Variants in EPAS1 observed in about 807,000 individuals in gnomAD.
EPAS1 encodes the protein endothelial PAS domain protein 1.
In EPAS1, 23 loss-of-function variants were observed where a neutral mutation model predicts 87.9. That is an observed-to-expected ratio of 0.26 (90% CI 0.19 to 0.37). EPAS1 has a LOEUF of 0.37. EPAS1 is among the 10% of genes least tolerant of loss of function. EPAS1 has a pLI of 1.00. For synonymous variants in EPAS1, 508 were observed against 444.3 expected, an observed-to-expected ratio of 1.14 and a Z score of -1.80; for missense variants, 1,138 against 1,120.7, an observed-to-expected ratio of 1.02 and a Z score of -0.22.
chr2:46,304,143 C>T (rs1572611590), intron 1 of EPAS1, among the ~76,000 whole-genome samples: 1 of 152,216 alleles, frequency 6.6e-6, no homozygotes, highest in African/African-American at 2.4e-5. Context: ...TGTATGTGGT[C>T]TTAATAGAAA....
At position 46,349,836 on chromosome 2, in the gene EPAS1, CAT is replaced by C. The variant is rs1335177171; in HGVS notation, c.217+2774_217+2775del. Among the ~76,000 whole-genome samples, 6 of 152,362 alleles carry C rather than the reference CAT, an allele frequency of 3.9e-5. No individual in the cohort carries two copies. The East Asian group carries it at 1.2e-3, about 29-fold the overall frequency. On this transcript the variant is annotated intron_variant, in intron 2 of 15. Coordinates refer to ENST00000263734, the MANE Select transcript of EPAS1 (RefSeq NM_001430.5). ...TAAATCGTATTTTGCTTTTCCAACA[CAT>C]GTAGCGTTATGAAGAGGAGTACGGG...
At chr2:46,305,666 G>T (rs1683098088) in intron 1 of EPAS1, among the ~76,000 whole-genome samples, 1 of 152,134 alleles carries the variant, frequency 6.6e-6, no homozygotes, top group Non-Finnish European at 1.5e-5. Flanking sequence ...TAAAGCCATG[G>T]AAGTGGATTG....
intron 1 of EPAS1, among the ~76,000 whole-genome samples, chr2:46,305,136 C>G (rs973786010): frequency 1.3e-5 from 2 of 152,152 alleles, no homozygotes; most frequent in African/African-American, 4.8e-5. Flanking sequence ...CTGTAATTTT[C>G]AAGTAGATGT....
chr2:46,345,422 A>G (rs556059413), intron 1 of EPAS1, among the ~76,000 whole-genome samples: 1 of 152,192 alleles, frequency 6.6e-6, no homozygotes, highest in Non-Finnish European at 1.5e-5. Context: ...AACTGCTAAC[A>G]TTTTTGAGTA....
intron 12 of EPAS1, chr2:46,381,051 C>G: frequency 2.4e-6 from 1 of 410,834 alleles, no homozygotes; most frequent in East Asian, 5.1e-5. Flanking sequence ...ATGATTTTCC[C>G]TGGTTGAAAA....
chr2:46,297,671 C>A lies in EPAS1; in HGVS notation c.-241C>A. On this transcript the variant is annotated 5_prime_UTR_variant, in exon 1 of 16. Transcript: ENST00000263734. Reference sequence around the variant, plus strand: ...CGGGTCTGACAGCCTCCACCCACTCCTTCCCCGGACCCCGCCTCCGCGCGC... The same window carrying A: ...CGGGTCTGACAGCCTCCACCCACTCATTCCCCGGACCCCGCCTCCGCGCGC... The A allele has an allele frequency of 1.8e-6, 1 of 556,776 alleles. No homozygotes were observed. Among genetic ancestry groups the A allele is most frequent in the Non-Finnish European group, 3.2e-6 (1 of 314,916 alleles). 34.5% of individuals were successfully genotyped at this position (556,776 alleles called of 1,614,324 possible).
chr2:46,351,586 G>C (rs1324874684), intron 2 of EPAS1, among the ~76,000 whole-genome samples: 1 of 152,186 alleles, frequency 6.6e-6, no homozygotes, highest in Non-Finnish European at 1.5e-5. Flanking sequence ...GAGGGGCCAG[G>C]CTGTGGGTCA....
rs1007641943 is a variant in EPAS1 at position 46,371,832 on chromosome 2, G to A, written c.886+1899G>A. Among the ~76,000 whole-genome samples the A allele has an allele frequency of 3.9e-5, 6 of 152,202 alleles. No homozygotes were observed. Among genetic ancestry groups the A allele is most frequent in the Non-Finnish European group, 8.8e-5 (6 of 68,044 alleles). ...GTCTAGCCTTCCTTCCAAGCTAAGG[G>A]TGAAGCCAAGGCAAGAGACAAATGT... On this transcript the variant is annotated intron_variant, in intron 7 of 15. Coordinates refer to ENST00000263734, the MANE Select transcript of EPAS1 (RefSeq NM_001430.5). This position sits in a 1 kb window ranked among gnomAD's most constrained non-coding sequence, Gnocchi z 4.3.
intron 2 of EPAS1, among the ~76,000 whole-genome samples, chr2:46,350,876 A>G (rs1391201379): frequency 6.6e-6 from 1 of 152,232 alleles, no homozygotes; most frequent in African/African-American, 2.4e-5. Flanking sequence ...GACATCAGTT[A>G]TAACAAGAGA....
intron 2 of EPAS1, 40 bp from the exon 3 acceptor site, chr2:46,356,111 C>G: frequency 1.3e-6 from 2 of 1,539,294 alleles, no homozygotes; most frequent in South Asian, 1.1e-5. Context: ...TGTTTTCACT[C>G]CACATTCATG....
At chr2:46,381,124 G>C (rs1684880443) in intron 12 of EPAS1, 1 of 348,690 alleles carries the variant, frequency 2.9e-6, no homozygotes, top group Admixed American at 4.2e-5. Flanking sequence ...CGCCACTGCA[G>C]CCTCTCCCAG....
chr2:46,381,436 C>T (rs756124286), intron 12 of EPAS1, 160 bp from the exon 13 acceptor site: 54 of 1,122,362 alleles, frequency 4.8e-5, no homozygotes, highest in East Asian at 3.5e-4. Flanking sequence ...AGCTCGAGCT[C>T]GGCCTGCAGG....
chr2:46,356,824 T>A lies in EPAS1; in HGVS notation c.454+16T>A. 6.3e-7 allele frequency: 1 copy of A among 1,590,030 alleles called. No homozygotes were observed. Among genetic ancestry groups the A allele is most frequent in the Non-Finnish European group, 8.6e-7 (1 of 1,158,060 alleles). Reference sequence around the variant, plus strand: ...CTCAAAAATGGTATCCTTAATTGTGTTTACTTCCTTCTTGCCCCCACTGGG... The same window carrying A: ...CTCAAAAATGGTATCCTTAATTGTGATTACTTCCTTCTTGCCCCCACTGGG... On this transcript the variant is annotated intron_variant, in intron 4 of 15. Coordinates refer to ENST00000263734, the MANE Select transcript of EPAS1 (RefSeq NM_001430.5).
chr2:46,318,495 G>A (rs115712066), intron 1 of EPAS1, among the ~76,000 whole-genome samples: 130 of 152,288 alleles, frequency 8.5e-4, no homozygotes, highest in African/African-American at 3.0e-3. Flanking sequence ...TATCTGCAAA[G>A]TGCAATAAAG....
intron 9 of EPAS1, among the ~76,000 whole-genome samples, chr2:46,377,690 G>A (rs1042771800): frequency 3.3e-5 from 5 of 152,180 alleles, no homozygotes; most frequent in Non-Finnish European, 4.4e-5. Context: ...AGACTGTTCC[G>A]TTTAAAGGGA....
intron 1 of EPAS1, among the ~76,000 whole-genome samples, chr2:46,302,165 G>GGA (rs904178725): frequency 7.0e-6 from 1 of 142,826 alleles, no homozygotes; most frequent in African/African-American, 2.5e-5. Flanking sequence ...TGCGTCGGGG[G>GGA]GGGGGGCAGT....
At chr2:46,314,413 G>A (rs1683273750) in intron 1 of EPAS1, among the ~76,000 whole-genome samples, 1 of 152,184 alleles carries the variant, frequency 6.6e-6, no homozygotes, top group Non-Finnish European at 1.5e-5. Context: ...GTGGGTCCTA[G>A]GACTACAGCC....
intron 1 of EPAS1, among the ~76,000 whole-genome samples, chr2:46,302,956 C>G (rs1327225656): frequency 6.6e-6 from 1 of 152,018 alleles, no homozygotes; most frequent in Non-Finnish European, 1.5e-5. Flanking sequence ...GCCTGTAGTC[C>G]CAGCTACTCA....
chr2:46,338,387 A>G (rs2104864549), intron 1 of EPAS1, among the ~76,000 whole-genome samples: 1 of 152,326 alleles, frequency 6.6e-6, no homozygotes, highest in South Asian at 2.1e-4. Flanking sequence ...TTAGTCTCTT[A>G]GCTGAAGGCT....
Sources: gnomAD v4.1 joint callset for allele counts (sites outside exome capture counted in the v4.1 genomes callset) on GRCh38, gnomAD v4.1.1 for gene constraint, Gnocchi (gnomAD v3.1) non-coding constraint, MANE v1.5 for transcripts, NCBI Gene and HGNC (gene_info 2026-07-23, HGNC 2026-07-21) for gene names.